CCDC83: variants seen among roughly 807,000 people sequenced by gnomAD.
The protein encoded by CCDC83 is coiled-coil domain containing 83, also known as coiled-coil domain-containing protein 83.
A neutral mutation model predicts 50.1 loss-of-function variants in CCDC83; 54 were observed. The observed-to-expected ratio is 1.08, with a 90% CI of 0.87 to 1.35. The LOEUF is 1.35. CCDC83 is among the 40% of genes most tolerant of loss of function. The pLI is 0.00. For synonymous variants in CCDC83, 161 were observed against 153.3 expected (o/e 1.05, Z -0.37); for missense variants, 518 against 473.9 (o/e 1.09, Z -0.86).
intron 4 of CCDC83, among the ~76,000 whole-genome samples, chr11:85,883,015 T>C (rs1238340076): frequency 6.6e-6 from 1 of 152,192 alleles, no homozygotes; most frequent in African/African-American, 2.4e-5. Context: ...CCTCCTGGGC[T>C]CATGCAGTCC....
At chr11:85,860,152 A>G (rs2153681540) in intron 1 of CCDC83, among the ~76,000 whole-genome samples, 1 of 151,762 alleles carries the variant, frequency 6.6e-6, no homozygotes, top group South Asian at 2.1e-4. Context: ...AAATAAATAA[A>G]TTAGCCAGGC....
intron 7 of CCDC83, among the ~76,000 whole-genome samples, chr11:85,901,324 G>C (rs942976814): frequency 6.6e-6 from 1 of 152,014 alleles, no homozygotes; most frequent in Non-Finnish European, 1.5e-5. Context: ...TGTAATTCCA[G>C]CACTTTGGCA....
At chr11:85,867,781 A>G (rs2093215972) in intron 2 of CCDC83, among the ~76,000 whole-genome samples, 1 of 152,212 alleles carries the variant, frequency 6.6e-6, no homozygotes, top group Non-Finnish European at 1.5e-5. Flanking sequence ...ACAAAAAGGC[A>G]AACGTTTAAA....
chr11:85,909,090 C>T (rs562969597), intron 7 of CCDC83, among the ~76,000 whole-genome samples: 7 of 152,278 alleles, frequency 4.6e-5, no homozygotes, highest in South Asian at 4.2e-4. Flanking sequence ...CACACCACTA[C>T]GCCCAGCTAA....
chr11:85,887,599 G>T (rs190811286), intron 5 of CCDC83, among the ~76,000 whole-genome samples: 1 of 151,824 alleles, frequency 6.6e-6, no homozygotes, highest in African/African-American at 2.4e-5. Context: ...CCCTCTGTCC[G>T]CACTCAAATC....
chr11:85,916,475 T>C, intron 10 of CCDC83: 1 of 434,422 alleles, frequency 2.3e-6, no homozygotes, highest in East Asian at 4.8e-5. Flanking sequence ...AGTTATCTAA[T>C]GCTACATAAC....
chr11:85,894,302 T>C (rs2135075532), intron 5 of CCDC83, among the ~76,000 whole-genome samples: 1 of 152,322 alleles, frequency 6.6e-6, no homozygotes, highest in African/African-American at 2.4e-5. Context: ...GCAGCCACGA[T>C]TTTCAACATC....
chr11:85,863,086 G>T (rs766960203), intron 1 of CCDC83, among the ~76,000 whole-genome samples: 4 of 152,124 alleles, frequency 2.6e-5, no homozygotes, highest in Non-Finnish European at 4.4e-5. Context: ...AGCACCAGAT[G>T]GGTACCACAG....
intron 3 of CCDC83, among the ~76,000 whole-genome samples, chr11:85,882,144 AT>A (rs1343692409): frequency 6.6e-6 from 1 of 152,084 alleles, no homozygotes; most frequent in Non-Finnish European, 1.5e-5. Flanking sequence ...AAAAATAATA[AT>A]AATAATAATA....
In CCDC83 at chr11:85,875,295, G is replaced by T. The variant is rs146777674; in HGVS notation, c.180+2000G>T. On this transcript the variant is annotated intron_variant, in intron 3 of 10. Transcript: ENST00000342404. The stretch of plus-strand genomic sequence containing the variant: ...GAAAGCTCGCCAAACAGGAAGGCGG[G>T]TTATCAATATGGTTGGAGGATTTAC... 4.4e-4 allele frequency among the ~76,000 whole-genome samples: 67 copies of T among 152,342 alleles called. No individual in the cohort carries two copies. In the East Asian group the frequency reaches 0.012, roughly 28 times the overall value.
intron 2 of CCDC83, among the ~76,000 whole-genome samples, chr11:85,870,910 T>C (rs1297213706): frequency 6.6e-6 from 1 of 152,204 alleles, no homozygotes; most frequent in Non-Finnish European, 1.5e-5. Flanking sequence ...CTCATGCCTA[T>C]AATCCTAGCA....
At chr11:85,879,113 G>A (rs191875303) in intron 3 of CCDC83, among the ~76,000 whole-genome samples, 172 of 152,236 alleles carry the variant, frequency 1.1e-3, no homozygotes, top group African/African-American at 4.1e-3. Flanking sequence ...GTCTGTAACA[G>A]AGTAAAAGTT....
chr11:85,867,656 G>A (rs2093215195), intron 2 of CCDC83, among the ~76,000 whole-genome samples: 1 of 152,228 alleles, frequency 6.6e-6, no homozygotes, highest in Non-Finnish European at 1.5e-5. Context: ...CTCTGTGAAT[G>A]TAACCTGGTC....
chr11:85,870,780 A>T (rs1327233670), intron 2 of CCDC83, among the ~76,000 whole-genome samples: 1 of 152,200 alleles, frequency 6.6e-6, no homozygotes, highest in Non-Finnish European at 1.5e-5. Context: ...CATAATGTGT[A>T]AACAATATGT....
chr11:85,882,662 A>C lies in CCDC83; in HGVS notation c.330A>C (p.Glu110Asp). 4 of 1,613,800 alleles carry C rather than the reference A, an allele frequency of 2.5e-6. No individual in the cohort carries two copies. The highest frequency in any genetic ancestry group is 3.4e-6 in the Non-Finnish European group (4 of 1,179,876). Residue 110 changes from glutamate to aspartate, a missense_variant, in exon 4 of 11, where the codon GAA becomes GAC. By Grantham distance (45) the Glu-to-Asp change is conservative. Coordinates refer to ENST00000342404, the MANE Select transcript of CCDC83 (RefSeq NM_001286159.2). ...KEKWKFERDQ[E>D]KNLRDMRMQI... ...AATGGAAGTTTGAAAGAGACCAGGA[A>C]AAAAACTTGAGAGGTGATTTAGGAA...
chr11:85,886,946 G>A (rs2093330030), intron 5 of CCDC83, among the ~76,000 whole-genome samples: 1 of 152,012 alleles, frequency 6.6e-6, no homozygotes, highest in African/African-American at 2.4e-5. Flanking sequence ...TCAATGGATG[G>A]GGTCTGTATG....
Position 85,865,160 on chromosome 11 carries a change from C to T in CCDC83, c.37C>T (p.His13Tyr), listed in dbSNP as rs1226032201. Residue 13 changes from histidine (H) to tyrosine (Y), a missense_variant, in exon 2 of 11, where the codon CAT becomes TAT. Physicochemically the swap from His to Tyr is moderately conservative, Grantham distance 83. Transcript: ENST00000342404. ...NSGKANKKDT[H>Y]DGPPKEIKLP... Reference sequence around the variant, plus strand: ...AGGGAAAGCAAATAAAAAGGATACACATGACGGGCCACCAAAAGAAATTAA... The same window carrying T: ...AGGGAAAGCAAATAAAAAGGATACATATGACGGGCCACCAAAAGAAATTAA... The T allele has an allele frequency of 1.2e-6, 2 of 1,612,980 alleles. No homozygotes were observed. Among genetic ancestry groups the T allele is most frequent in the East Asian group, 2.2e-5 (1 of 44,870 alleles).
At chr11:85,863,774 A>G (rs2093191339) in intron 1 of CCDC83, among the ~76,000 whole-genome samples, 1 of 152,224 alleles carries the variant, frequency 6.6e-6, no homozygotes, top group Non-Finnish European at 1.5e-5. Context: ...CTTTCCACGC[A>G]TCATCGTACT....
chr11:85,909,531 G>T (rs2093442369), intron 7 of CCDC83, among the ~76,000 whole-genome samples: 1 of 150,022 alleles, frequency 6.7e-6, no homozygotes, highest in African/African-American at 2.5e-5. Flanking sequence ...GGTGGGTTTG[G>T]ATGTTCTATC....
Sources: allele counts gnomAD v4.1 joint callset (sites outside exome capture counted in the v4.1 genomes callset), GRCh38; gene constraint gnomAD v4.1.1; transcripts MANE v1.5; gene names NCBI Gene and HGNC (gene_info 2026-07-23, HGNC 2026-07-21).